CFAP61: variants seen among roughly 807,000 people sequenced by gnomAD.
CFAP61 encodes the protein cilia and flagella associated protein 61.
In CFAP61, 107 loss-of-function variants were observed where a neutral mutation model predicts 135.6. That is an observed-to-expected ratio of 0.79 (90% CI 0.67 to 0.93). CFAP61 has a LOEUF of 0.93. Ranked by LOEUF, CFAP61 falls within the 40% of genes least tolerant of loss-of-function variation. The pLI is 0.00. For missense variants in CFAP61, 1,507 were observed against 1,556.2 expected (o/e 0.97, Z 0.53); for synonymous variants, 575 against 578.5 (o/e 0.99, Z 0.09).
At chr20:20,129,509 T>C (rs1463412555) in intron 8 of CFAP61, among the ~76,000 whole-genome samples, 1 of 151,744 alleles carries the variant, frequency 6.6e-6, no homozygotes, top group Non-Finnish European at 1.5e-5. Context: ...TCTTGACTTT[T>C]GATCAGTTTA....
chr20:20,208,262 C>T (rs985258340), intron 17 of CFAP61, among the ~76,000 whole-genome samples: 5 of 152,232 alleles, frequency 3.3e-5, no homozygotes, highest in African/African-American at 1.2e-4. Flanking sequence ...GAGTTTTCTC[C>T]TGCACCCAGA....
intron 4 of CFAP61, 133 bp downstream of exon 4, chr20:20,074,511 A>G (rs561783257): frequency 2.5e-5 from 18 of 712,236 alleles, no homozygotes; most frequent in Non-Finnish European, 4.4e-5. Context: ...TAAAATATTT[A>G]CTTTGAATAG....
At chr20:20,154,675 C>A (rs2052738159) in intron 9 of CFAP61, among the ~76,000 whole-genome samples, 1 of 150,348 alleles carries the variant, frequency 6.7e-6, no homozygotes, top group African/African-American at 2.4e-5. Context: ...CAACAACAAA[C>A]CTTAAAAAAA....
chr20:20,072,057 A>C (rs1227658509), intron 3 of CFAP61, among the ~76,000 whole-genome samples: 1 of 137,448 alleles, frequency 7.3e-6, no homozygotes, highest in Non-Finnish European at 1.6e-5. Flanking sequence ...ATTGTCTTAC[A>C]GGATGTGACC....
chr20:20,308,761 G>C (rs915637704), intron 25 of CFAP61, among the ~76,000 whole-genome samples: 1 of 152,118 alleles, frequency 6.6e-6, no homozygotes, highest in Non-Finnish European at 1.5e-5. Context: ...GCACATCTTC[G>C]TAAAATCGCT....
Position 20,296,010 on chromosome 20 carries a change from CCTCCT to C in CFAP61, c.3217-2170_3217-2166del, listed in dbSNP as rs145743045. 3.1e-3 allele frequency among the ~76,000 whole-genome samples: 272 copies of C among 88,166 alleles called. 44 individuals are homozygous for C. The highest frequency in any genetic ancestry group is 6.4e-3 in the Middle Eastern group (1 of 156). The allele number at this position is 88,166 out of a possible 152,430, so 57.8% of individuals were successfully genotyped here. On this transcript the variant is annotated intron_variant, in intron 24 of 26. Coordinates refer to ENST00000245957, the MANE Select transcript of CFAP61 (RefSeq NM_015585.4). ...GCTTCCCTCCTTCCTTCCTTCCTTCCCTCCTTTCCTTCCTTCTTTCTTTTCTTCCT... is the reference window on the plus strand; with the variant it reads ...GCTTCCCTCCTTCCTTCCTTCCTTCCTTCCTTCCTTCTTTCTTTTCTTCCT...
In CFAP61 at chr20:20,359,902, G is replaced by A. The variant is rs1406910420; in HGVS notation, c.3514-308G>A. ...CAGGGCCTGGAGGATGGGAGGGTAC[G>A]GAGCTGGTGTTTAATGGAGACAGCG... On this transcript the variant is annotated intron_variant, in intron 26 of 26. Transcript: ENST00000245957. The surrounding 1 kb of genome is among the most constrained non-coding windows in gnomAD (Gnocchi z 4.0). Among the ~76,000 whole-genome samples, 3 of 152,188 alleles carry A rather than the reference G, an allele frequency of 2.0e-5. No individual in the cohort carries two copies. The highest frequency in any genetic ancestry group is 4.8e-5 in the African/African-American group (2 of 41,448).
intron 6 of CFAP61, among the ~76,000 whole-genome samples, chr20:20,083,664 A>T (rs1255065425): frequency 6.6e-6 from 1 of 152,190 alleles, no homozygotes; most frequent in African/African-American, 2.4e-5. Context: ...TTTCATATGA[A>T]TAATTATGAA....
chr20:20,269,187 A>G (rs1159841697), intron 21 of CFAP61, among the ~76,000 whole-genome samples: 1 of 90,152 alleles, frequency 1.1e-5, no homozygotes, highest in Non-Finnish European at 2.6e-5. Context: ...ATATACACAC[A>G]CATATATACA....
At chr20:20,323,125 T>C (rs919431347) in intron 25 of CFAP61, 104 of 985,348 alleles carry the variant, frequency 1.1e-4, no homozygotes, top group Non-Finnish European at 1.2e-4. Flanking sequence ...CGACTTCAAC[T>C]TCTTCCCGCC....
intron 25 of CFAP61, among the ~76,000 whole-genome samples, chr20:20,299,424 G>A (rs939123481): frequency 6.6e-6 from 1 of 152,166 alleles, no homozygotes; most frequent in Non-Finnish European, 1.5e-5. Context: ...TCAGTTGCAA[G>A]TACTCATCCC....
chr20:20,341,818 C>T lies in CFAP61; in HGVS notation c.3423-13C>T. 6.2e-7 allele frequency: 1 copy of T among 1,606,946 alleles called. No individual in the cohort carries two copies. Among genetic ancestry groups the T allele is most frequent in the Non-Finnish European group, 8.5e-7 (1 of 1,174,550 alleles). ...GGGTTGCCAGCTCACTGAGTCTCTT[C>T]TTTCCTTACCAGCTACTTCACCGAG... On this transcript the variant is annotated splice_polypyrimidine_tract_variant and intron_variant, in intron 25 of 26. Transcript: ENST00000245957.
chr20:20,294,441 A>G (rs1001759996), intron 24 of CFAP61, among the ~76,000 whole-genome samples: 4 of 152,204 alleles, frequency 2.6e-5, no homozygotes, highest in African/African-American at 9.7e-5. Flanking sequence ...ATGTGGTGCC[A>G]AATCTCCTTC....
chr20:20,194,256 C>G (rs1244186095), intron 15 of CFAP61, among the ~76,000 whole-genome samples: 1 of 152,138 alleles, frequency 6.6e-6, no homozygotes, highest in African/African-American at 2.4e-5. Flanking sequence ...TTTTACTCAT[C>G]ATTTTAGATT....
chr20:20,202,484 G>T (rs1427611589), intron 17 of CFAP61, among the ~76,000 whole-genome samples: 1 of 152,156 alleles, frequency 6.6e-6, no homozygotes, highest in East Asian at 1.9e-4. Flanking sequence ...AATCCCCATG[G>T]AATGGGCCTC....
chr20:20,137,165 A>G (rs575955755), intron 8 of CFAP61, among the ~76,000 whole-genome samples: 1 of 152,188 alleles, frequency 6.6e-6, no homozygotes, highest in African/African-American at 2.4e-5. Flanking sequence ...GACACAAAGC[A>G]CCCTTGTGGC....
intron 18 of CFAP61, among the ~76,000 whole-genome samples, chr20:20,245,039 C>T (rs2050332019): frequency 6.6e-6 from 1 of 152,228 alleles, no homozygotes; most frequent in Non-Finnish European, 1.5e-5. Context: ...TCAGCCTGGA[C>T]TTTATTGTCC....
Position 20,246,165 on chromosome 20 carries a change from C to A in CFAP61, c.2109C>A (p.Leu703=), listed in dbSNP as rs1188369041. 1.2e-6 allele frequency: 2 copies of A among 1,613,684 alleles called. No individual in the cohort carries two copies. The highest frequency in any genetic ancestry group is 3.3e-5 in the Admixed American group (2 of 59,984). Residue 703 remains leucine, a synonymous_variant, in exon 19 of 27, where the codon CTC becomes CTA. Coordinates refer to ENST00000245957, the MANE Select transcript of CFAP61 (RefSeq NM_015585.4). The part of the protein sequence containing the change: ...NNLTLISTHG[L]PGKKLLDTEQ... ...TTACCCTGATTTCAACTCATGGACT[C>A]CCAGGAAAAAAACTTCTGGACACTG...
At chr20:20,135,635 CA>C (rs2050867758) in intron 8 of CFAP61, among the ~76,000 whole-genome samples, 1 of 152,078 alleles carries the variant, frequency 6.6e-6, no homozygotes, top group Non-Finnish European at 1.5e-5. Flanking sequence ...AACTAACAAG[CA>C]AAAAGAAAAC....
Sources: gnomAD v4.1 joint callset for allele counts (sites outside exome capture counted in the v4.1 genomes callset) on GRCh38, gnomAD v4.1.1 for gene constraint, Gnocchi (gnomAD v3.1) non-coding constraint, MANE v1.5 for transcripts, NCBI Gene and HGNC (gene_info 2026-07-23, HGNC 2026-07-21) for gene names.